Variants in ADGRL3 observed in about 807,000 individuals in gnomAD.
ADGRL3 encodes the protein calcium-independent alpha-latrotoxin receptor 3.
ADGRL3 carries 62 observed loss-of-function variants against 153.5 expected under a neutral mutation model. That is an observed-to-expected ratio of 0.40 (90% confidence interval 0.33 to 0.50). The LOEUF is 0.50. Ranked by LOEUF, ADGRL3 falls within the 20% of genes least tolerant of loss-of-function variation. The pLI, the probability that ADGRL3 is intolerant of heterozygous loss-of-function variation, is 0.47. For synonymous variants in ADGRL3, 710 were observed against 672.5 expected, an observed-to-expected ratio of 1.06 and a Z score of -0.86; for missense variants, 1,641 against 1,859.4, an observed-to-expected ratio of 0.88 and a Z score of 2.16.
chr4:61,710,503 T>C (rs2095952770), intron 6 of ADGRL3, among the ~76,000 whole-genome samples: 1 of 152,222 alleles, frequency 6.6e-6, no homozygotes, highest in Non-Finnish European at 1.5e-5. Flanking sequence ...CAGGTCCTTA[T>C]GCCCAAGTGG....
chr4:61,834,419 T>G (rs568467900), intron 9 of ADGRL3, among the ~76,000 whole-genome samples: 2 of 152,210 alleles, frequency 1.3e-5, no homozygotes, highest in Non-Finnish European at 2.9e-5. Flanking sequence ...ACAATAAACA[T>G]ACGTGTGCAT....
At position 61,649,758 on chromosome 4, in the gene ADGRL3, C is replaced by T. The variant is rs1188029980; in HGVS notation, c.474-27068C>T. 2.0e-5 allele frequency among the ~76,000 whole-genome samples: 3 copies of T among 152,012 alleles called. No individual in the cohort carries two copies. The East Asian group carries it at 5.8e-4, about 29-fold the overall frequency. ...GTCTTAATATTGTTCAACTAGTCAG[C>T]ATAATAAGAACCAGAACCAACAGAC... On this transcript the variant is annotated intron_variant, in intron 5 of 26. Coordinates refer to ENST00000683033, the MANE Select transcript of ADGRL3 (RefSeq NM_001387552.1).
intron 15 of ADGRL3, among the ~76,000 whole-genome samples, chr4:61,938,158 G>A (rs941954937): frequency 6.6e-6 from 1 of 151,970 alleles, no homozygotes; most frequent in African/African-American, 2.4e-5. Flanking sequence ...ACTCACGGTG[G>A]GATGGCAAAA....
intron 1 of ADGRL3, among the ~76,000 whole-genome samples, chr4:61,230,971 C>T (rs1479454301): frequency 6.6e-6 from 1 of 152,148 alleles, no homozygotes; most frequent in Non-Finnish European, 1.5e-5. Context: ...GCATCTAGTC[C>T]AAGCAGGACT....
chr4:61,431,767 G>C (rs935922403), intron 2 of ADGRL3, among the ~76,000 whole-genome samples: 6 of 152,166 alleles, frequency 3.9e-5, no homozygotes, highest in Admixed American at 1.3e-4. Flanking sequence ...AGTTTATAAA[G>C]TTCTTGTCTG....
intron 1 of ADGRL3, among the ~76,000 whole-genome samples, chr4:61,250,294 C>T (rs761752463): frequency 6.6e-6 from 1 of 152,170 alleles, no homozygotes; most frequent in Non-Finnish European, 1.5e-5. Context: ...CAGTGAGGAA[C>T]CAAGGCAGCC....
chr4:61,836,895 C>T (rs1561331362), intron 9 of ADGRL3, among the ~76,000 whole-genome samples: 1 of 151,858 alleles, frequency 6.6e-6, no homozygotes, highest in Non-Finnish European at 1.5e-5. Flanking sequence ...AAATCGAAAT[C>T]GAAGACTTAG....
intron 1 of ADGRL3, among the ~76,000 whole-genome samples, chr4:61,290,277 AC>A (rs1156931179): frequency 6.6e-6 from 1 of 152,090 alleles, no homozygotes; most frequent in Non-Finnish European, 1.5e-5. Context: ...AGAGTTGATG[AC>A]CTATTGGACT....
At chr4:61,518,049 T>C (rs536994886) in intron 4 of ADGRL3, among the ~76,000 whole-genome samples, 1 of 152,320 alleles carries the variant, frequency 6.6e-6, no homozygotes, top group Non-Finnish European at 1.5e-5. Flanking sequence ...ATTCTTCCTA[T>C]AATATTGCCT....
intron 1 of ADGRL3, among the ~76,000 whole-genome samples, chr4:61,305,140 C>A (rs2094727475): frequency 6.6e-6 from 1 of 151,158 alleles, no homozygotes; most frequent in Non-Finnish European, 1.5e-5. Context: ...ATTTGAAGCA[C>A]TGAATTCTTT....
At chr4:61,465,870 C>T (rs905645862) in intron 2 of ADGRL3, among the ~76,000 whole-genome samples, 53 of 151,106 alleles carry the variant, frequency 3.5e-4, no homozygotes, top group African/African-American at 1.2e-3. Flanking sequence ...GCCTGTAACC[C>T]GAGGACTTGG....
intron 2 of ADGRL3, among the ~76,000 whole-genome samples, chr4:61,412,838 G>A (rs962647433): frequency 7.9e-5 from 12 of 152,162 alleles, no homozygotes; most frequent in Admixed American, 6.5e-4. Context: ...TTTTGTAATT[G>A]CTCATTGGGA....
chr4:61,435,770 A>C (rs1035134224), intron 2 of ADGRL3, among the ~76,000 whole-genome samples: 2 of 152,192 alleles, frequency 1.3e-5, no homozygotes, highest in African/African-American at 4.8e-5. Context: ...TCAAAGGGCT[A>C]ATCTAATCTC....
At chr4:61,637,623 C>T (rs1001320624) in intron 5 of ADGRL3, among the ~76,000 whole-genome samples, 1 of 151,938 alleles carries the variant, frequency 6.6e-6, no homozygotes, top group Non-Finnish European at 1.5e-5. Context: ...ATTATCCAGG[C>T]GTGGTGGCCC....
chr4:61,326,940 A>T (rs1019305441), intron 1 of ADGRL3, among the ~76,000 whole-genome samples: 2 of 151,980 alleles, frequency 1.3e-5, no homozygotes, highest in Non-Finnish European at 2.9e-5. Flanking sequence ...ATATTTAGAC[A>T]GTTTAAAAAA....
chr4:61,400,881 C>G (rs953829492), intron 2 of ADGRL3, among the ~76,000 whole-genome samples: 1 of 150,386 alleles, frequency 6.6e-6, no homozygotes, highest in African/African-American at 2.4e-5. Flanking sequence ...TGGTATGTCA[C>G]GTGCTTGTGC....
intron 21 of ADGRL3, among the ~76,000 whole-genome samples, chr4:62,000,779 A>T (rs2099137623): frequency 1.3e-5 from 2 of 151,724 alleles, no homozygotes; most frequent in South Asian, 4.1e-4. Flanking sequence ...TTTAATTTTT[A>T]TTTATTTATT....
chr4:61,998,138 C>A, intron 20 of ADGRL3, 36 bp from the exon 21 acceptor site: 1 of 1,189,698 alleles, frequency 8.4e-7, no homozygotes, highest in Non-Finnish European at 1.2e-6. Context: ...GTTCCTACTC[C>A]AATTATGCTA....
intron 2 of ADGRL3, among the ~76,000 whole-genome samples, chr4:61,474,286 G>T (rs968038288): frequency 6.6e-6 from 1 of 152,122 alleles, no homozygotes; most frequent in Admixed American, 6.6e-5. Context: ...GAAAATAACA[G>T]AATGTGAAAA....
Sources: allele counts gnomAD v4.1 joint callset (sites outside exome capture counted in the v4.1 genomes callset), GRCh38; gene constraint gnomAD v4.1.1; transcripts MANE v1.5; gene names NCBI Gene and HGNC (gene_info 2026-07-23, HGNC 2026-07-21).